Variants in MAPK10 observed in about 807,000 individuals in gnomAD.
The protein encoded by MAPK10 is JNK3 alpha protein kinase.
Under a neutral mutation model 59.3 loss-of-function variants are expected in MAPK10, and 25 were observed. That is an observed-to-expected ratio of 0.42 (90% CI 0.31 to 0.59). The LOEUF (loss-of-function observed/expected upper bound fraction) is 0.59, where lower values mean the gene tolerates loss of function less well. Ranked by LOEUF, MAPK10 falls within the 20% of genes least tolerant of loss-of-function variation. MAPK10 has a pLI of 0.15. For missense variants in MAPK10, 351 were observed against 568.9 expected (o/e 0.62, Z 3.90); for synonymous variants, 190 against 200.5 (o/e 0.95, Z 0.44).
intron 1 of MAPK10, among the ~76,000 whole-genome samples, chr4:86,437,504 T>C (rs1216889487): frequency 1.3e-5 from 2 of 152,220 alleles, no homozygotes; most frequent in African/African-American, 2.4e-5. Context: ...TATAGGCTGC[T>C]AGATTCTATT....
chr4:86,247,644 TGTA>T (rs2093182166), intron 2 of MAPK10, among the ~76,000 whole-genome samples: 1 of 130,366 alleles, frequency 7.7e-6, no homozygotes, highest in Non-Finnish European at 1.5e-5. Flanking sequence ...ACACTGTGTG[TGTA>T]GTTGTGTGTG....
In MAPK10 at chr4:86,258,011, T is replaced by C. The variant is rs192852282; in HGVS notation, c.-6-63604A>G. 3.6e-3 allele frequency among the ~76,000 whole-genome samples: 554 copies of C among 152,258 alleles called. 12 individuals carry two copies. Among genetic ancestry groups the C allele is most frequent in the Non-Finnish European group, 1.1e-3 (78 of 68,016 alleles). On this transcript the variant is annotated intron_variant, in intron 2 of 13. Coordinates refer to ENST00000641462, the MANE Select transcript of MAPK10 (RefSeq NM_138982.4). Reference sequence around the variant, plus strand: ...CTTCTATGCCTAGACTGATAGGACCTACTAGAGAAAAGTCACAATGCTCAA... The same window carrying C: ...CTTCTATGCCTAGACTGATAGGACCCACTAGAGAAAAGTCACAATGCTCAA...
At chr4:86,464,019 G>A (rs981750408) in intron 1 of MAPK10, among the ~76,000 whole-genome samples, 12 of 151,818 alleles carry the variant, frequency 7.9e-5, no homozygotes, top group East Asian at 3.9e-4. Flanking sequence ...GGATCAAACC[G>A]TGACTATGAT....
At chr4:86,185,969 T>G (rs766367731) in intron 3 of MAPK10, among the ~76,000 whole-genome samples, 62 of 152,046 alleles carry the variant, frequency 4.1e-4, no homozygotes, top group Admixed American at 2.0e-3. Flanking sequence ...TCCAGGAAAA[T>G]GTTTGGGTTG....
intron 2 of MAPK10, among the ~76,000 whole-genome samples, chr4:86,220,911 A>G (rs2089364683): frequency 6.6e-6 from 1 of 152,204 alleles, no homozygotes; most frequent in Non-Finnish European, 1.5e-5. Flanking sequence ...GAACAACATA[A>G]GGGGCTTTTG....
chr4:86,239,915 C>A (rs1220935377), intron 2 of MAPK10, among the ~76,000 whole-genome samples: 1 of 151,882 alleles, frequency 6.6e-6, no homozygotes, highest in Admixed American at 6.6e-5. Context: ...GTTGCTCTTG[C>A]CTCTCTAGCT....
rs112811675 is a variant in MAPK10 at position 86,150,856 on chromosome 4, C to T, written c.236+8442G>A. 7.9e-5 allele frequency among the ~76,000 whole-genome samples: 12 copies of T among 151,650 alleles called. 1 individual carries two copies. The East Asian group carries it at 2.1e-3, about 27-fold the overall frequency. ...CAGCCTGGGCGACAGAGTGAGACTC[C>T]GTCTCAAAAAAAAGAATTGGAACTG... On this transcript the variant is annotated intron_variant, in intron 4 of 13. Coordinates refer to ENST00000641462, the MANE Select transcript of MAPK10 (RefSeq NM_138982.4).
rs1214436933 is a variant in MAPK10, at chr4:86,252,096, C to T, written c.-6-57689G>A. Among the ~76,000 whole-genome samples, 8 of 119,044 alleles carry T rather than the reference C, an allele frequency of 6.7e-5. 2 individuals carry two copies. Among genetic ancestry groups the T allele is most frequent in the Non-Finnish European group, 1.1e-4 (7 of 61,648 alleles). The allele number at this position is 119,044 out of a possible 152,430, so 78.1% of individuals were successfully genotyped here. ...AGCCCTTTGTCAGATGAGTAGGTTG[C>T]GAAAATTTTCTCCCATGTTGTAGGT... On this transcript the variant is annotated intron_variant, in intron 2 of 13. Transcript: ENST00000641462.
intron 1 of MAPK10, among the ~76,000 whole-genome samples, chr4:86,568,470 C>T (rs188790249): frequency 6.6e-6 from 1 of 151,942 alleles, no homozygotes; most frequent in African/African-American, 2.4e-5. Context: ...ATAAAAACGG[C>T]CCAAGTAGCC....
intron 1 of MAPK10, among the ~76,000 whole-genome samples, chr4:86,582,558 C>T (rs938344718): frequency 1.3e-5 from 2 of 152,156 alleles, no homozygotes; most frequent in African/African-American, 4.8e-5. Flanking sequence ...TTCCTTAAAG[C>T]TATTCCATTT....
chr4:86,045,945 C>T (rs2042406064), intron 11 of MAPK10, among the ~76,000 whole-genome samples: 1 of 151,594 alleles, frequency 6.6e-6, no homozygotes, highest in South Asian at 2.1e-4. Flanking sequence ...TTCCAATGTA[C>T]AATAAGCTTA....
intron 2 of MAPK10, among the ~76,000 whole-genome samples, chr4:86,266,402 A>G (rs2094238858): frequency 6.6e-6 from 1 of 152,174 alleles, no homozygotes; most frequent in Admixed American, 6.5e-5. Context: ...TCTACCTCAC[A>G]GTATTGCTGT....
intron 4 of MAPK10, among the ~76,000 whole-genome samples, chr4:86,153,554 CAT>C (rs774152431): frequency 5.9e-5 from 9 of 152,128 alleles, no homozygotes; most frequent in Admixed American, 5.2e-4. Context: ...TAAGGACACA[CAT>C]ATAATTTATG....
chr4:86,188,094 C>T (rs180748883), intron 3 of MAPK10, among the ~76,000 whole-genome samples: 184 of 152,268 alleles, frequency 1.2e-3, no homozygotes, highest in Middle Eastern at 3.4e-3. Flanking sequence ...CTTTTTATGG[C>T]TGCGTAGTAT....
At chr4:86,508,722 TAGGCA>T (rs1755983433) in intron 1 of MAPK10, among the ~76,000 whole-genome samples, 1 of 152,204 alleles carries the variant, frequency 6.6e-6, no homozygotes, top group Non-Finnish European at 1.5e-5. Context: ...TTCTAAATAG[TAGGCA>T]TGATATGGCC....
At chr4:86,434,737 G>A (rs1223722621) in intron 1 of MAPK10, among the ~76,000 whole-genome samples, 2 of 152,194 alleles carry the variant, frequency 1.3e-5, no homozygotes, top group Non-Finnish European at 2.9e-5. Context: ...CAGTAGGAAG[G>A]TTCCTCAAAA....
At chr4:86,161,446 C>T (rs939658011) in intron 3 of MAPK10, among the ~76,000 whole-genome samples, 2 of 152,060 alleles carry the variant, frequency 1.3e-5, no homozygotes, top group African/African-American at 2.4e-5. Context: ...CTGCTCTCCA[C>T]ACCATGGTCC....
intron 1 of MAPK10, among the ~76,000 whole-genome samples, chr4:86,563,808 A>G (rs1489917072): frequency 6.6e-6 from 1 of 152,154 alleles, no homozygotes; most frequent in Non-Finnish European, 1.5e-5. Flanking sequence ...TCATCATGCT[A>G]CTAAGAATGC....
chr4:86,304,936 G>T (rs927999766), intron 2 of MAPK10, among the ~76,000 whole-genome samples: 34 of 151,904 alleles, frequency 2.2e-4, no homozygotes, highest in Non-Finnish European at 4.4e-4. Context: ...TATTTTTTAG[G>T]GACAGTGTTG....
Sources: allele counts gnomAD v4.1 joint callset (sites outside exome capture counted in the v4.1 genomes callset), GRCh38; gene constraint gnomAD v4.1.1; transcripts MANE v1.5; gene names NCBI Gene and HGNC (gene_info 2026-07-23, HGNC 2026-07-21).